SLC14A2: variants seen among roughly 807,000 people sequenced by gnomAD.
SLC14A2 encodes the protein urea transporter 2.
In SLC14A2, 91 loss-of-function variants were observed where a neutral mutation model predicts 104.6. The ratio of observed to expected loss-of-function variants is 0.87; its 90% CI spans 0.73 to 1.04. SLC14A2 has a LOEUF of 1.04. Ranked by LOEUF, SLC14A2 falls within the 50% of genes least tolerant of loss-of-function variation. The probability of loss-of-function intolerance (pLI) is 0.00; values close to 1 mark genes in which losing one functional copy is unlikely to be tolerated. For missense variants in SLC14A2, 1,189 were observed against 1,156.0 expected (o/e 1.03, Z -0.41); for synonymous variants, 476 against 466.4 (o/e 1.02, Z -0.27).
chr18:45,412,902 T>C (rs987052860), intron 1 of SLC14A2, among the ~76,000 whole-genome samples: 5 of 152,308 alleles, frequency 3.3e-5, no homozygotes, highest in African/African-American at 1.2e-4. Flanking sequence ...CTCATCTCCA[T>C]GCAAGAATTT....
intron 6 of SLC14A2, 98 bp downstream of exon 6, chr18:45,637,280 G>A: frequency 2.1e-6 from 2 of 950,046 alleles, no homozygotes; most frequent in Non-Finnish European, 3.2e-6. Context: ...AACTTCTCTA[G>A]AAACATCTAT....
At chr18:45,280,823 T>C (rs1366298300) in intron 1 of SLC14A2, among the ~76,000 whole-genome samples, 1 of 152,156 alleles carries the variant, frequency 6.6e-6, no homozygotes, top group Non-Finnish European at 1.5e-5. Flanking sequence ...TCTGAAGAGG[T>C]AGACCTGGGA....
intron 1 of SLC14A2, among the ~76,000 whole-genome samples, chr18:45,215,182 C>G (rs1017485163): frequency 1.3e-5 from 2 of 152,150 alleles, no homozygotes; most frequent in African/African-American, 4.8e-5. Flanking sequence ...TATCTTTAAA[C>G]TAAAATTGCC....
At chr18:45,591,183 A>G (rs183742237) in intron 2 of SLC14A2, among the ~76,000 whole-genome samples, 2 of 152,270 alleles carry the variant, frequency 1.3e-5, no homozygotes, top group African/African-American at 4.8e-5. Flanking sequence ...CTGATATGCA[A>G]ATATCCCTGA....
At chr18:45,478,857 A>G (rs1053487279) in intron 1 of SLC14A2, among the ~76,000 whole-genome samples, 1 of 152,136 alleles carries the variant, frequency 6.6e-6, no homozygotes, top group African/African-American at 2.4e-5. Flanking sequence ...CCCAACAGAC[A>G]AGCTTAAATA....
chr18:45,573,976 T>C (rs1290897181), intron 2 of SLC14A2, among the ~76,000 whole-genome samples: 2 of 152,250 alleles, frequency 1.3e-5, no homozygotes, highest in East Asian at 1.9e-4. Flanking sequence ...GAAAAATATG[T>C]ATTCACATGG....
intron 1 of SLC14A2, among the ~76,000 whole-genome samples, chr18:45,276,235 T>A (rs527307245): frequency 6.6e-6 from 1 of 152,336 alleles, no homozygotes; most frequent in Non-Finnish European, 1.5e-5. Flanking sequence ...CATATTTCAT[T>A]TATTTATTCC....
At position 45,388,263 on chromosome 18, in the gene SLC14A2, C is replaced by T. The variant is rs142978161; in HGVS notation, c.-124-94970C>T. The stretch of plus-strand genomic sequence containing the variant: ...ATTTTTAGTAGAGATGGGGTCTCAC[C>T]ATGTTAGCCAGGTTAGTCTCGATCT... On this transcript the variant is annotated intron_variant, in intron 1 of 20. Coordinates refer to the SLC14A2 transcript ENST00000586448. Among the ~76,000 whole-genome samples, 723 of 151,884 alleles carry T rather than the reference C, an allele frequency of 4.8e-3. 7 individuals are homozygous for T. The highest frequency in any genetic ancestry group is 0.016 in the African/African-American group (656 of 41,398).
At chr18:45,617,506 C>T (rs1306310457) in intron 1 of SLC14A2, among the ~76,000 whole-genome samples, 1 of 152,046 alleles carries the variant, frequency 6.6e-6, no homozygotes, top group East Asian at 1.9e-4. Flanking sequence ...CTTGGAGCTG[C>T]CAAGAAAACT....
intron 1 of SLC14A2, among the ~76,000 whole-genome samples, chr18:45,237,863 C>T (rs1453394775): frequency 6.6e-6 from 1 of 152,190 alleles, no homozygotes; most frequent in Admixed American, 6.5e-5. Context: ...CCACAGACTT[C>T]CATTGTGGTT....
intron 1 of SLC14A2, among the ~76,000 whole-genome samples, chr18:45,332,557 G>C (rs2085300964): frequency 2.0e-5 from 3 of 152,148 alleles, no homozygotes; most frequent in Admixed American, 2.0e-4. Context: ...TTAAGGACCA[G>C]GTCCTGGATG....
intron 1 of SLC14A2, among the ~76,000 whole-genome samples, chr18:45,270,197 G>A (rs1391671399): frequency 6.6e-6 from 1 of 152,138 alleles, no homozygotes; most frequent in African/African-American, 2.4e-5. Flanking sequence ...CCCTTAGCAA[G>A]CAGCTACTCA....
At chr18:45,561,316 T>A (rs1297089980) in intron 2 of SLC14A2, among the ~76,000 whole-genome samples, 1 of 152,198 alleles carries the variant, frequency 6.6e-6, no homozygotes, top group East Asian at 1.9e-4. Context: ...TCAGTGGTCA[T>A]GCTTCCCTCT....
At chr18:45,491,465 A>G (rs1016970980) in intron 2 of SLC14A2, among the ~76,000 whole-genome samples, 5 of 152,232 alleles carry the variant, frequency 3.3e-5, no homozygotes, top group Non-Finnish European at 7.3e-5. Context: ...GCCTTTTTGG[A>G]AGAAGGAGTA....
intron 1 of SLC14A2, among the ~76,000 whole-genome samples, chr18:45,275,673 C>T (rs1320003811): frequency 1.3e-5 from 2 of 152,130 alleles, no homozygotes; most frequent in Non-Finnish European, 2.9e-5. Flanking sequence ...AGTGACTTCC[C>T]CTGAAAGTAC....
intron 2 of SLC14A2, among the ~76,000 whole-genome samples, chr18:45,599,094 A>G (rs1490789552): frequency 6.6e-6 from 1 of 152,218 alleles, no homozygotes; most frequent in African/African-American, 2.4e-5. Context: ...ATTCAAATAA[A>G]TATATAAATA....
At chr18:45,390,106 A>G (rs1301575391) in intron 1 of SLC14A2, among the ~76,000 whole-genome samples, 1 of 152,220 alleles carries the variant, frequency 6.6e-6, no homozygotes, top group Non-Finnish European at 1.5e-5. Context: ...AGGCCCTGGA[A>G]CTGCAGAACA....
At chr18:45,660,910 ATCT>A (rs2045926061) in intron 10 of SLC14A2, among the ~76,000 whole-genome samples, 1 of 152,156 alleles carries the variant, frequency 6.6e-6, no homozygotes, top group African/African-American at 2.4e-5. Flanking sequence ...TTTATCTCTA[ATCT>A]TCTTTGTGGC....
intron 10 of SLC14A2, among the ~76,000 whole-genome samples, chr18:45,662,220 T>C (rs2045947384): frequency 6.6e-6 from 1 of 152,118 alleles, no homozygotes. Context: ...GGGAATTGCT[T>C]GAATCCGGGA....
Sources: gnomAD v4.1 joint callset for allele counts (sites outside exome capture counted in the v4.1 genomes callset) on GRCh38, gnomAD v4.1.1 for gene constraint, MANE v1.5 for transcripts, NCBI Gene and HGNC (gene_info 2026-07-23, HGNC 2026-07-21) for gene names.